KCNB2: variants seen among roughly 807,000 people sequenced by gnomAD.
KCNB2 encodes potassium voltage-gated channel subfamily B member 2.
A neutral mutation model predicts 61.5 loss-of-function variants in KCNB2; 15 were observed. The ratio of observed to expected loss-of-function variants is 0.24; its 90% CI spans 0.16 to 0.38. KCNB2 has a LOEUF of 0.38. Among genes scored for constraint, KCNB2 ranks in the 10% least tolerant of loss-of-function variants. The probability of loss-of-function intolerance (pLI) is 1.00; values close to 1 mark genes in which losing one functional copy is unlikely to be tolerated. For missense variants in KCNB2, 828 were observed against 1,125.2 expected (o/e 0.74, Z 3.78); for synonymous variants, 457 against 446.0 (o/e 1.02, Z -0.31).
chr8:72,924,823 GC>G (rs1405195404), intron 2 of KCNB2, among the ~76,000 whole-genome samples: 4 of 152,110 alleles, frequency 2.6e-5, no homozygotes, highest in Non-Finnish European at 5.9e-5. Flanking sequence ...CACCTGTCAT[GC>G]TTGCAACGGA....
At chr8:72,748,774 T>C (rs1436733684) in intron 2 of KCNB2, among the ~76,000 whole-genome samples, 1 of 152,090 alleles carries the variant, frequency 6.6e-6, no homozygotes, top group Non-Finnish European at 1.5e-5. Flanking sequence ...GTACATGATG[T>C]TTTGAAATAT....
At chr8:72,691,358 A>G (rs567416241) in intron 2 of KCNB2, among the ~76,000 whole-genome samples, 1 of 152,350 alleles carries the variant, frequency 6.6e-6, no homozygotes, top group African/African-American at 2.4e-5. Flanking sequence ...TAAAAAGAAA[A>G]GTCTTACGTA....
At chr8:72,600,629 T>G (rs1361411344) in intron 2 of KCNB2, among the ~76,000 whole-genome samples, 3 of 151,270 alleles carry the variant, frequency 2.0e-5, no homozygotes, top group African/African-American at 2.4e-5. Flanking sequence ...AAATGTGGTA[T>G]GTATACACCA....
At chr8:72,819,473 G>A (rs934964408) in intron 2 of KCNB2, among the ~76,000 whole-genome samples, 52 of 152,208 alleles carry the variant, frequency 3.4e-4, no homozygotes, top group African/African-American at 1.2e-3. Context: ...CTTTGTTGTA[G>A]CAAGTTGAAT....
intron 2 of KCNB2, among the ~76,000 whole-genome samples, chr8:72,583,187 C>A (rs1165941884): frequency 6.6e-6 from 1 of 152,018 alleles, no homozygotes; most frequent in Non-Finnish European, 1.5e-5. Flanking sequence ...TATTTCAGAC[C>A]TTACTGATGG....
intron 2 of KCNB2, among the ~76,000 whole-genome samples, chr8:72,796,517 C>T (rs558930385): frequency 6.6e-6 from 1 of 152,124 alleles, no homozygotes; most frequent in East Asian, 1.9e-4. Flanking sequence ...TTTCAGAAAA[C>T]AGATTCATGT....
chr8:72,607,357 G>A (rs1805466740), intron 2 of KCNB2, among the ~76,000 whole-genome samples: 1 of 152,074 alleles, frequency 6.6e-6, no homozygotes, highest in Non-Finnish European at 1.5e-5. Context: ...TGATTACAAG[G>A]CACTCCAAGG....
intron 2 of KCNB2, among the ~76,000 whole-genome samples, chr8:72,839,548 G>A (rs1297042128): frequency 2.6e-5 from 4 of 151,486 alleles, no homozygotes; most frequent in Non-Finnish European, 5.9e-5. Context: ...AGCGGGGGAA[G>A]GCTAGAAAAA....
At chr8:72,823,248 C>T (rs1458393159) in intron 2 of KCNB2, among the ~76,000 whole-genome samples, 2 of 152,084 alleles carry the variant, frequency 1.3e-5, no homozygotes, top group Non-Finnish European at 2.9e-5. Flanking sequence ...AGAAAGCCAC[C>T]ATGAGTCATG....
chr8:72,612,966 A>G (rs914246654), intron 2 of KCNB2, among the ~76,000 whole-genome samples: 5 of 152,188 alleles, frequency 3.3e-5, no homozygotes, highest in Non-Finnish European at 5.9e-5. Context: ...TGGAAATAAC[A>G]TTTCTATCAA....
At position 72,664,204 on chromosome 8, in the gene KCNB2, T is replaced by C. The variant is rs544895356; in HGVS notation, c.579+95891T>C. 1.1e-4 allele frequency among the ~76,000 whole-genome samples: 17 copies of C among 152,354 alleles called. No homozygotes were observed. In the South Asian group the frequency reaches 3.3e-3, roughly 30 times the overall value. On this transcript the variant is annotated intron_variant, in intron 2 of 2. Coordinates refer to ENST00000523207, the MANE Select transcript of KCNB2 (RefSeq NM_004770.3). ...GGATACCCTGTGTCAGCTCAGCTCC[T>C]GGCTCTTTTACTCTGCAGCGCCCTC... is the stretch of plus-strand genomic sequence containing the variant.
intron 2 of KCNB2, among the ~76,000 whole-genome samples, chr8:72,852,076 A>C (rs200089373): frequency 1.5e-3 from 52 of 33,564 alleles, no homozygotes; most frequent in African/African-American, 3.1e-3. Flanking sequence ...TTCTAAAAAA[A>C]TTTAAAAAAT....
Position 72,537,838 on chromosome 8 carries a change from T to G in KCNB2, c.-141T>G, listed in dbSNP as rs1806138589. On this transcript the variant is annotated 5_prime_UTR_variant, in exon 1 of 3. Transcript: ENST00000523207. ...GAGCGGGGAATCCCACAGCCCTTTGTGGTGCCCGAGCCCGTGCCGCCTGCT... is the reference window on the plus strand; with the variant it reads ...GAGCGGGGAATCCCACAGCCCTTTGGGGTGCCCGAGCCCGTGCCGCCTGCT... The G allele has an allele frequency of 6.6e-6, 1 of 152,290 alleles. No individual in the cohort carries two copies. 9.4% of individuals were successfully genotyped at this position (152,290 alleles called of 1,614,324 possible).
intron 2 of KCNB2, among the ~76,000 whole-genome samples, chr8:72,915,817 GC>G (rs1457783966): frequency 6.6e-6 from 1 of 152,178 alleles, no homozygotes; most frequent in African/African-American, 2.4e-5. Flanking sequence ...TACTCAGGAG[GC>G]TGAGGCAGGA....
chr8:72,723,316 A>C (rs971680050), intron 2 of KCNB2, among the ~76,000 whole-genome samples: 8 of 152,204 alleles, frequency 5.3e-5, no homozygotes, highest in Non-Finnish European at 1.0e-4. Flanking sequence ...TTTGAACTAA[A>C]ACATATTTAA....
chr8:72,708,499 T>C (rs958501420), intron 2 of KCNB2, among the ~76,000 whole-genome samples: 2 of 152,210 alleles, frequency 1.3e-5, no homozygotes, highest in Non-Finnish European at 2.9e-5. Context: ...GAGAATGCCA[T>C]CTTCTGGTGC....
intron 2 of KCNB2, among the ~76,000 whole-genome samples, chr8:72,739,815 T>C (rs983420373): frequency 6.6e-6 from 1 of 152,186 alleles, no homozygotes; most frequent in Admixed American, 6.5e-5. Flanking sequence ...TAGTACCATA[T>C]TGTTCACCCT....
intron 2 of KCNB2, among the ~76,000 whole-genome samples, chr8:72,588,152 T>A (rs538794283): frequency 1.4e-4 from 22 of 152,060 alleles, no homozygotes; most frequent in African/African-American, 4.8e-4. Context: ...CATTTTAGAG[T>A]TTTTGATTTT....
intron 2 of KCNB2, among the ~76,000 whole-genome samples, chr8:72,725,806 T>A (rs951623291): frequency 4.0e-5 from 6 of 151,542 alleles, no homozygotes; most frequent in African/African-American, 1.2e-4. Context: ...AGTAAGCCCT[T>A]AGTAATGATT....
Sources: allele counts gnomAD v4.1 joint callset (sites outside exome capture counted in the v4.1 genomes callset), GRCh38; gene constraint gnomAD v4.1.1; transcripts MANE v1.5; gene names NCBI Gene and HGNC (gene_info 2026-07-23, HGNC 2026-07-21).